MYH16: variants seen among roughly 807,000 people sequenced by gnomAD.
MYH16 encodes putative uncharacterized protein MYH16.
chr7:99,277,916 T>TGTGTGTGTGAGAGA, intron 21 of MYH16, among the ~76,000 whole-genome samples: 1 of 132,224 alleles, frequency 7.6e-6, no homozygotes. Flanking sequence ...TGTGTGTGTG[T>TGTGTGTGTGAGAGA]GAGAGAGAGA....
chr7:99,300,394 A>G (rs1792573930), intron 37 of MYH16, among the ~76,000 whole-genome samples: 1 of 152,262 alleles, frequency 6.6e-6, no homozygotes, highest in South Asian at 2.1e-4. Context: ...AGACCCCTTT[A>G]CAATCATTCC....
chr7:99,307,356 C>A (rs532192059), downstream of MYH16, among the ~76,000 whole-genome samples: 14 of 152,244 alleles, frequency 9.2e-5, no homozygotes, highest in African/African-American at 3.1e-4. Flanking sequence ...TTTAAGGAAA[C>A]AATTTAAAGT....
chr7:99,297,909 G>A (rs1289636520), exon 36 of MYH16: 1 of 456,700 alleles, frequency 2.2e-6, no homozygotes, highest in Admixed American at 2.3e-5. Flanking sequence ...AGAGCAAGGT[G>A]ATTCGAATTC....
At chr7:99,305,315 C>T (rs1792664837) in intron 40 of MYH16, among the ~76,000 whole-genome samples, 1 of 152,190 alleles carries the variant, frequency 6.6e-6, no homozygotes, top group Admixed American at 6.5e-5. Context: ...CTGTCACCTT[C>T]CTCCCCAGAA....
downstream of MYH16, among the ~76,000 whole-genome samples, chr7:99,309,043 T>C (rs373108670): frequency 1.4e-4 from 21 of 152,096 alleles, no homozygotes; most frequent in African/African-American, 5.1e-4. Context: ...GTGAGGAAAA[T>C]GAGCTTGGAG....
At chr7:99,307,095 TC>T (rs2150841186), downstream of MYH16, among the ~76,000 whole-genome samples, 1 of 152,158 alleles carries the variant, frequency 6.6e-6, no homozygotes, top group East Asian at 1.9e-4. Context: ...GACCTGATGT[TC>T]CCCCATCTGC....
chr7:99,307,465 G>A (rs919741416), downstream of MYH16, among the ~76,000 whole-genome samples: 1 of 152,156 alleles, frequency 6.6e-6, no homozygotes, highest in Admixed American at 6.5e-5. Flanking sequence ...GCTTGTGCCT[G>A]TAAATCCTAG....
chr7:99,244,062 C>T (rs932252696), intron 2 of MYH16, among the ~76,000 whole-genome samples: 5 of 151,990 alleles, frequency 3.3e-5, no homozygotes, highest in South Asian at 2.1e-4. Flanking sequence ...TACATATATA[C>T]GTCCAAACAT....
chr7:99,288,437 C>CTAAAATAAAA (rs756501916), intron 29 of MYH16, among the ~76,000 whole-genome samples: 1 of 150,976 alleles, frequency 6.6e-6, no homozygotes, highest in African/African-American at 2.4e-5. Flanking sequence ...GACCCTGTCT[C>CTAAAATAAAA]TAAAATAAAA....
At chr7:99,271,170 G>C (rs565108214) in intron 19 of MYH16, 1 of 152,570 alleles carries the variant, frequency 6.6e-6, no homozygotes, top group African/African-American at 2.4e-5. Context: ...GCCATGCTGC[G>C]TGGTGGGCCA....
At chr7:99,306,554 C>G (rs1410625030) in intron 41 of MYH16, 55 bp from the exon 23 acceptor site, 1 of 152,564 alleles carries the variant, frequency 6.6e-6, no homozygotes, top group East Asian at 1.9e-4. Context: ...TTAATGCACA[C>G]TTAACCAGAA....
intron 1 of MYH16, among the ~76,000 whole-genome samples, chr7:99,240,417 C>T (rs542493855): frequency 2.6e-5 from 4 of 152,044 alleles, no homozygotes; most frequent in African/African-American, 9.7e-5. Flanking sequence ...CCCTCCAAAC[C>T]GCCTTCAAGG....
exon 42 of MYH16, chr7:99,306,724 A>G (rs1205036996): frequency 1.3e-5 from 2 of 152,878 alleles, no homozygotes; most frequent in African/African-American, 2.4e-5. Context: ...CGCACCAGAC[A>G]CCGCGTGGCC....
intron 32 of MYH16, among the ~76,000 whole-genome samples, chr7:99,293,141 G>A (rs1392356397): frequency 6.6e-6 from 1 of 152,150 alleles, no homozygotes; most frequent in Admixed American, 6.6e-5. Flanking sequence ...TCCATGACAA[G>A]TTAAATCAAA....
chr7:99,282,784 C>G (rs1293635115), intron 23 of MYH16, among the ~76,000 whole-genome samples: 1 of 150,898 alleles, frequency 6.6e-6, no homozygotes, highest in Non-Finnish European at 1.5e-5. Context: ...TAGCTATGAT[C>G]GTACCACTGT....
At chr7:99,309,335 C>T (rs761290041), downstream of MYH16, among the ~76,000 whole-genome samples, 4 of 152,128 alleles carry the variant, frequency 2.6e-5, no homozygotes, top group South Asian at 2.1e-4. Flanking sequence ...AGTTACGATT[C>T]GCTATCTTTC....
downstream of MYH16, among the ~76,000 whole-genome samples, chr7:99,309,281 C>G (rs1254133106): frequency 6.6e-6 from 1 of 152,160 alleles, no homozygotes; most frequent in African/African-American, 2.4e-5. Context: ...GAATCAACAG[C>G]TTGTTGAATC....
chr7:99,304,872 G>A (rs1443000648), intron 40 of MYH16, 116 bp downstream of exon 21: 1 of 152,256 alleles, frequency 6.6e-6, no homozygotes, highest in Non-Finnish European at 1.5e-5. Flanking sequence ...ATGAAGAATC[G>A]GGTTATGCAA....
chr7:99,294,083 C>T (rs781308705), exon 33 of MYH16: 25 of 455,896 alleles, frequency 5.5e-5, no homozygotes, highest in African/African-American at 1.0e-4. Context: ...GCCCGGGCCG[C>T]CTCCCTCGAG....
Sources: gnomAD v4.1 joint callset for allele counts (sites outside exome capture counted in the v4.1 genomes callset) on GRCh38, gnomAD v4.1.1 for gene constraint, MANE v1.5 for transcripts, NCBI Gene and HGNC (gene_info 2026-07-23, HGNC 2026-07-21) for gene names.